The following STIP1 variants were observed in gnomAD, a reference collection of about 807,000 sequenced individuals.
The protein encoded by STIP1 is stress induced phosphoprotein 1, also known as stress-induced-phosphoprotein 1.
STIP1 carries 16 observed loss-of-function variants against 77.4 expected under a neutral mutation model. The observed-to-expected ratio is 0.21, with a 90% CI of 0.14 to 0.31. The LOEUF (loss-of-function observed/expected upper bound fraction) is 0.31. STIP1 is among the 10% of genes least tolerant of loss of function. STIP1 has a pLI of 1.00. For missense variants in STIP1, 524 were observed against 684.8 expected (o/e 0.77, Z 2.62); for synonymous variants, 258 against 246.6 (o/e 1.05, Z -0.44).
rs144111633 is a variant in STIP1 at position 64,190,874 on chromosome 11, C to G, written c.10-2204C>G. Among the ~76,000 whole-genome samples, 6 of 152,224 alleles carry G rather than the reference C, an allele frequency of 3.9e-5. No individual in the cohort carries two copies. The East Asian group carries it at 7.7e-4, about 20-fold the overall frequency. On this transcript the variant is annotated intron_variant, in intron 1 of 13. Coordinates refer to ENST00000305218, the MANE Select transcript of STIP1 (RefSeq NM_006819.3). The stretch of plus-strand genomic sequence containing the variant: ...ATTTAGCCAGGCATGGTGACACACA[C>G]TTGTAGTCCCAGCTACTTAAAAGGC...
chr11:64,200,362 C>CT, intron 10 of STIP1, 69 bp downstream of exon 10: 1 of 1,541,130 alleles, frequency 6.5e-7, no homozygotes, highest in Non-Finnish European at 8.7e-7. Context: ...CTCTCTCTCT[C>CT]CTCATCAACA....
intron 11 of STIP1, 34 bp from the exon 12 acceptor site, chr11:64,203,091 C>G: frequency 6.2e-7 from 1 of 1,611,422 alleles, no homozygotes; most frequent in Non-Finnish European, 8.5e-7. Context: ...TTGGGCGCTG[C>G]GGTTGGATAA....
At chr11:64,194,427 G>A in intron 3 of STIP1, 52 bp from the exon 4 acceptor site, 14 of 1,612,456 alleles carry the variant, frequency 8.7e-6, no homozygotes, top group Non-Finnish European at 1.2e-5. Flanking sequence ...ATGGGACACA[G>A]TAATTCTAGT....
intron 1 of STIP1, among the ~76,000 whole-genome samples, chr11:64,187,216 C>T (rs913343936): frequency 1.3e-5 from 2 of 152,100 alleles, no homozygotes; most frequent in African/African-American, 4.8e-5. Flanking sequence ...TATGAAAGGC[C>T]TAGAGGTTTT....
At chr11:64,200,134 C>G (rs775486520) in intron 9 of STIP1, 35 bp from the exon 10 acceptor site, 6 of 1,610,118 alleles carry the variant, frequency 3.7e-6, no homozygotes, top group Non-Finnish European at 5.1e-6. Context: ...GGGCTTTTTG[C>G]TTTTTAAAAG....
At chr11:64,194,036 G>A (rs750476118) in intron 2 of STIP1, among the ~76,000 whole-genome samples, 153 bp from the exon 3 acceptor site, 7 of 152,194 alleles carry the variant, frequency 4.6e-5, no homozygotes, top group Non-Finnish European at 1.0e-4. Context: ...AGCAGCCTTG[G>A]CCTCGTAGCC....
At chr11:64,185,336 G>T (rs551358501), upstream of STIP1, 12 of 172,880 alleles carry the variant, frequency 6.9e-5, no homozygotes, top group Non-Finnish European at 1.3e-4. Flanking sequence ...CGGTTCCACT[G>T]AGGACGCCCA....
intron 8 of STIP1, 133 bp from the exon 9 acceptor site, chr11:64,199,806 AC>A (rs1430207989): frequency 1.2e-6 from 1 of 854,524 alleles, no homozygotes; most frequent in African/African-American, 1.7e-5. Flanking sequence ...CTCGTGATCC[AC>A]CCGCCTCGGC....
chr11:64,203,865 G>C, intron 13 of STIP1, 189 bp from the exon 14 acceptor site: 1 of 790,110 alleles, frequency 1.3e-6, no homozygotes, highest in Non-Finnish European at 2.0e-6. Flanking sequence ...AAGCTGTGTC[G>C]TGGGCTCAAG....
chr11:64,194,143 TAC>T (rs1946121830), intron 2 of STIP1, 44 bp from the exon 3 acceptor site: 1 of 1,575,644 alleles, frequency 6.3e-7, no homozygotes, highest in Non-Finnish European at 8.6e-7. Flanking sequence ...CTTCTAGATT[TAC>T]CTCTGGGTGT....
In STIP1 at chr11:64,198,753, GT is replaced by G. The variant is rs371481270; in HGVS notation, c.1023+798del. 1.5e-3 allele frequency among the ~76,000 whole-genome samples: 165 copies of G among 111,026 alleles called. 1 individual carries two copies. The highest frequency in any genetic ancestry group is 2.9e-3 in the African/African-American group (84 of 28,666). 72.8% of individuals were successfully genotyped at this position (111,026 alleles called of 152,430 possible). ...AAGTGATCTGGTGTTTTTTTTTGTG[GT>G]TTTTTTTTTTTTTTTTTTGCAGTTT... On this transcript the variant is annotated intron_variant, in intron 8 of 13. Transcript: ENST00000305218.
At chr11:64,198,949 C>T (rs926708290) in intron 8 of STIP1, among the ~76,000 whole-genome samples, 1 of 151,572 alleles carries the variant, frequency 6.6e-6, no homozygotes, top group African/African-American at 2.4e-5. Context: ...CCTGTAATCC[C>T]AGCACTTTGG....
chr11:64,202,111 A>C (rs1555043428), intron 10 of STIP1, among the ~76,000 whole-genome samples: 1 of 152,254 alleles, frequency 6.6e-6, no homozygotes, highest in Non-Finnish European at 1.5e-5. Flanking sequence ...CAGCACTGTC[A>C]GCACACGCGA....
chr11:64,191,356 C>T (rs1446875845), intron 1 of STIP1, among the ~76,000 whole-genome samples: 1 of 151,876 alleles, frequency 6.6e-6, no homozygotes, highest in African/African-American at 2.4e-5. Flanking sequence ...GCCTGTAATC[C>T]CAGCACTTTG....
At chr11:64,203,285 T>C (rs1221073956) in intron 12 of STIP1, 57 bp downstream of exon 12, 9 of 1,598,896 alleles carry the variant, frequency 5.6e-6, no homozygotes, top group Non-Finnish European at 7.7e-6. Flanking sequence ...GTTGGGGCTT[T>C]TCCATGTTCA....
chr11:64,195,905 A>G (rs935357507), intron 5 of STIP1, 92 bp downstream of exon 5: 5 of 1,553,752 alleles, frequency 3.2e-6, no homozygotes, highest in Admixed American at 3.6e-5. Flanking sequence ...TTGATTGACC[A>G]TGATTATTAT....
At chr11:64,195,999 G>A in intron 5 of STIP1, 186 bp downstream of exon 5, 4 of 766,326 alleles carry the variant, frequency 5.2e-6, no homozygotes, top group South Asian at 1.9e-5. Context: ...GCTTCAGCTA[G>A]GATTACAGTC....
chr11:64,200,045 T>C lies in STIP1; in HGVS notation c.1120+9T>C. 1 of 1,614,204 alleles carries C rather than the reference T, an allele frequency of 6.2e-7. No individual in the cohort carries two copies. Among genetic ancestry groups the C allele is most frequent in the African/African-American group, 1.3e-5 (1 of 75,056 alleles). ...CGAGTGTTTTCAGAAAGGTACTGCC[T>C]GCAGCTGGGGGATTGGGGGAGCAGT... On this transcript the variant is annotated intron_variant, in intron 9 of 13. Coordinates refer to ENST00000305218, the MANE Select transcript of STIP1 (RefSeq NM_006819.3).
At chr11:64,194,436 G>A in intron 3 of STIP1, 43 bp from the exon 4 acceptor site, 1 of 1,612,764 alleles carries the variant, frequency 6.2e-7, no homozygotes, top group Non-Finnish European at 8.5e-7. Context: ...AGTAATTCTA[G>A]TGAACTCATT....
Sources: gnomAD v4.1 joint callset for allele counts (sites outside exome capture counted in the v4.1 genomes callset) on GRCh38, gnomAD v4.1.1 for gene constraint, MANE v1.5 for transcripts, NCBI Gene and HGNC (gene_info 2026-07-23, HGNC 2026-07-21) for gene names.